The following MCM9 variants were observed in gnomAD, a reference collection of about 807,000 sequenced individuals.
MCM9 encodes the protein DNA helicase MCM9.
MCM9 carries 55 observed loss-of-function variants against 72.8 expected under a neutral mutation model. The observed-to-expected ratio is 0.76, with a 90% CI of 0.61 to 0.95. The LOEUF (loss-of-function observed/expected upper bound fraction) is 0.95. Ranked by LOEUF, MCM9 falls within the 40% of genes least tolerant of loss-of-function variation. The pLI, the probability that MCM9 is intolerant of heterozygous loss-of-function variation, is 0.00. For synonymous variants in MCM9, 480 were observed against 503.4 expected, an observed-to-expected ratio of 0.95 and a Z score of 0.62; for missense variants, 1,279 against 1,377.0, an observed-to-expected ratio of 0.93 and a Z score of 1.13.
At chr6:118,830,055 C>G (rs1356727475) in intron 9 of MCM9, among the ~76,000 whole-genome samples, 1 of 152,030 alleles carries the variant, frequency 6.6e-6, no homozygotes, top group Non-Finnish European at 1.5e-5. Flanking sequence ...AGTAGAGGGA[C>G]AAGGTAGTCC....
At chr6:118,827,868 C>T in intron 11 of MCM9, 59 bp downstream of exon 11, 3 of 1,468,442 alleles carry the variant, frequency 2.0e-6, no homozygotes, top group South Asian at 2.5e-5. Flanking sequence ...GGTGCCAAGC[C>T]CCATGCCTTG....
At chr6:118,933,859 A>C (rs1408353483) in intron 1 of MCM9, among the ~76,000 whole-genome samples, 1 of 151,840 alleles carries the variant, frequency 6.6e-6, no homozygotes, top group Non-Finnish European at 1.5e-5. Flanking sequence ...GAAATAAATT[A>C]CGGCCTCCAC....
chr6:118,843,668 A>ATATATATATACG (rs1562407098), intron 9 of MCM9, among the ~76,000 whole-genome samples: 2 of 55,432 alleles, frequency 3.6e-5, no homozygotes, highest in African/African-American at 1.5e-4. Context: ...GTATATATAT[A>ATATATATATACG]TGTATGTATA....
chr6:118,918,340 A>G (rs1781132795), intron 5 of MCM9: 1 of 153,104 alleles, frequency 6.5e-6, no homozygotes, highest in African/African-American at 2.4e-5. Context: ...AATGCCTGTT[A>G]TGCTTCAAAG....
chr6:118,824,893 TTA>T (rs1774062587), intron 13 of MCM9, among the ~76,000 whole-genome samples: 1 of 152,198 alleles, frequency 6.6e-6, no homozygotes, highest in South Asian at 2.1e-4. Flanking sequence ...TGCCTCTACA[TTA>T]TAAATAAATA....
chr6:118,917,047 T>C (rs1781021027), intron 6 of MCM9, among the ~76,000 whole-genome samples: 1 of 152,222 alleles, frequency 6.6e-6, no homozygotes, highest in African/African-American at 2.4e-5. Context: ...TGATGTTTTA[T>C]TCTATGTAAT....
chr6:118,846,959 C>T (rs904870419), intron 9 of MCM9, among the ~76,000 whole-genome samples: 1 of 151,744 alleles, frequency 6.6e-6, no homozygotes, highest in South Asian at 2.1e-4. Context: ...CCCAAAAAAA[C>T]CCCACAAAGC....
chr6:118,870,246 G>A (rs1777508223), intron 8 of MCM9, among the ~76,000 whole-genome samples: 1 of 152,092 alleles, frequency 6.6e-6, no homozygotes, highest in South Asian at 2.1e-4. Context: ...CGCATCACAT[G>A]TTAGACCACA....
At chr6:118,860,996 G>A (rs150494486) in intron 8 of MCM9, among the ~76,000 whole-genome samples, 11,594 of 152,170 alleles carry the variant, frequency 0.076, 681 homozygotes, top group East Asian at 0.19. Flanking sequence ...AGCAGGCTGC[G>A]CTTGGCTCAC....
chr6:118,927,895 T>G (rs2114423145), intron 3 of MCM9, among the ~76,000 whole-genome samples: 1 of 152,334 alleles, frequency 6.6e-6, no homozygotes, highest in Non-Finnish European at 1.5e-5. Context: ...CAATACATAA[T>G]GAAGGCCAAA....
intron 1 of MCM9, among the ~76,000 whole-genome samples, chr6:118,932,966 T>C (rs991551547): frequency 1.8e-4 from 27 of 152,182 alleles, no homozygotes; most frequent in Non-Finnish European, 1.2e-4. Context: ...ATAAACCCAA[T>C]TCAATGTCCA....
chr6:118,911,498 C>A, intron 8 of MCM9, 152 bp downstream of exon 8: 4 of 1,334,602 alleles, frequency 3.0e-6, no homozygotes, highest in Middle Eastern at 2.7e-4. Flanking sequence ...TTAGAGCTAC[C>A]AAAATAACAT....
chr6:118,931,699 C>A lies in MCM9; in HGVS notation c.25G>T (p.Val9Phe). 1 of 1,613,154 alleles carries A rather than the reference C, an allele frequency of 6.2e-7. No homozygotes were observed. Among genetic ancestry groups the A allele is most frequent in the Non-Finnish European group, 8.5e-7 (1 of 1,179,532 alleles). The change falls in exon 3 of 14, where the codon GTT (valine) becomes TTT (phenylalanine). Residue 9 changes from valine to phenylalanine, a missense_variant. By Grantham distance (50) the Val-to-Phe change is conservative. Coordinates refer to ENST00000619706, the MANE Select transcript of MCM9 (RefSeq NM_017696.3). ...ACATATGACTCAAACACTTGACCAA[C>A]CAGTGTAACTTGATCGCTATTCATC... MNSDQVTL[V>F]GQVFESYVSE... is the part of the protein sequence containing the mutation.
intron 13 of MCM9, among the ~76,000 whole-genome samples, chr6:118,820,255 G>A (rs1054254144): frequency 1.5e-4 from 23 of 152,038 alleles, no homozygotes; most frequent in Middle Eastern, 3.2e-3. Context: ...TCCTGAGGGC[G>A]TTTAGTGCTA....
chr6:118,877,706 A>T (rs1270548451), intron 8 of MCM9, among the ~76,000 whole-genome samples: 5 of 152,212 alleles, frequency 3.3e-5, no homozygotes, highest in Admixed American at 2.0e-4. Context: ...TGTTCCATAC[A>T]GAGATTGTGA....
At chr6:118,931,348 T>C (rs1782409740) in intron 3 of MCM9, 72 bp downstream of exon 3, 3 of 1,209,966 alleles carry the variant, frequency 2.5e-6, no homozygotes, top group East Asian at 2.5e-5. Flanking sequence ...TTTCTTAGTG[T>C]TCTAAATCTA....
chr6:118,902,275 A>G lies in MCM9; in HGVS notation c.1150+9375T>C, dbSNP rs537199655. ...ACCTCTCTAACCTCCTCCCTTAGTC[A>G]TTCCAGTCTTCTATAAAATGTGGAT... On this transcript the variant is annotated intron_variant, in intron 8 of 13. Transcript: ENST00000619706. 4.6e-5 allele frequency among the ~76,000 whole-genome samples: 7 copies of G among 152,310 alleles called. No individual in the cohort carries two copies. The South Asian group carries it at 1.5e-3, about 32-fold the overall frequency.
intron 8 of MCM9, chr6:118,893,902 G>A (rs1779129910): frequency 7.4e-6 from 3 of 406,520 alleles, no homozygotes; most frequent in Non-Finnish European, 9.8e-6. Context: ...GGAGGGGCGG[G>A]CGTCGGCCGG....
In MCM9 at chr6:118,856,517, T is replaced by TGAG; in HGVS notation, c.1176_1178dup (p.Ser393dup). 6.5e-7 allele frequency: 1 copy of TGAG among 1,535,622 alleles called. No individual in the cohort carries two copies. The highest frequency in any genetic ancestry group is 8.7e-7 in the Non-Finnish European group (1 of 1,146,874). On this transcript the variant is annotated inframe_insertion, in exon 9 of 14. Coordinates refer to ENST00000619706, the MANE Select transcript of MCM9 (RefSeq NM_017696.3). ...CCCCAGCCTCCAAATTCCATTCTCC[T>TGAG]GAGTCTTTTACAGCAGTTACCGTCA...
Sources: allele counts gnomAD v4.1 joint callset (sites outside exome capture counted in the v4.1 genomes callset), GRCh38; gene constraint gnomAD v4.1.1; transcripts MANE v1.5; gene names NCBI Gene and HGNC (gene_info 2026-07-23, HGNC 2026-07-21).